The following MCCC2 variants were observed in gnomAD, a reference collection of about 807,000 sequenced individuals.
MCCC2 encodes methylcrotonyl-CoA carboxylase subunit 2.
MCCC2 carries 52 observed loss-of-function variants against 77.2 expected under a neutral mutation model. The observed-to-expected ratio is 0.67, with a 90% confidence interval of 0.54 to 0.85. The LOEUF (loss-of-function observed/expected upper bound fraction) is 0.85, where lower values mean the gene tolerates loss of function less well. MCCC2 is among the 40% of genes least tolerant of loss of function. MCCC2 has a pLI of 0.00. For missense variants in MCCC2, 682 were observed against 703.2 expected, an observed-to-expected ratio of 0.97 and a Z score of 0.34; for synonymous variants, 253 against 248.4, an observed-to-expected ratio of 1.02 and a Z score of -0.18.
At chr5:71,639,839 T>C (rs993518916) in intron 10 of MCCC2, among the ~76,000 whole-genome samples, 2 of 152,186 alleles carry the variant, frequency 1.3e-5, no homozygotes, top group African/African-American at 2.4e-5. Context: ...CATTGTATTA[T>C]TGGATTTTTT....
At chr5:71,597,424 GGC>G (rs1745231728) in intron 3 of MCCC2, among the ~76,000 whole-genome samples, 1 of 152,186 alleles carries the variant, frequency 6.6e-6, no homozygotes, top group Non-Finnish European at 1.5e-5. Flanking sequence ...GAGTGCTTCT[GGC>G]TGCTGTGTTG....
chr5:71,588,141 C>T (rs1032479063), intron 1 of MCCC2, among the ~76,000 whole-genome samples: 2 of 151,940 alleles, frequency 1.3e-5, no homozygotes, highest in South Asian at 2.1e-4. Flanking sequence ...TGGTGGCGCG[C>T]GCCTGTAATC....
intron 12 of MCCC2, among the ~76,000 whole-genome samples, chr5:71,645,427 T>C (rs969553389): frequency 6.6e-6 from 1 of 152,244 alleles, no homozygotes. Flanking sequence ...GTTGTATTTT[T>C]GTATCATTAA....
chr5:71,608,669 T>C (rs1674088362), intron 6 of MCCC2, among the ~76,000 whole-genome samples: 1 of 152,228 alleles, frequency 6.6e-6, no homozygotes, highest in African/African-American at 2.4e-5. Flanking sequence ...TTCTTCCTAG[T>C]CTTGAAGGTC....
intron 8 of MCCC2, among the ~76,000 whole-genome samples, chr5:71,633,223 C>T (rs954166477): frequency 7.3e-5 from 11 of 149,858 alleles, no homozygotes; most frequent in Non-Finnish European, 1.5e-4. Context: ...CTTGCCCTTC[C>T]GAAGTGCTGG....
At position 71,635,207 on chromosome 5, in the gene MCCC2, A is replaced by G. The variant is rs1746875605; in HGVS notation, c.960A>G (p.Ile320Met). Residue 320 changes from isoleucine to methionine, a missense_variant, in exon 10 of 17, where the codon ATA (isoleucine) becomes ATG (methionine). Transcript: ENST00000340941. ...PLFPADELYG[I>M]VGANLKRSFD... is the part of the protein sequence containing the mutation. ...TTCCTGCTGATGAATTGTATGGAAT[A>G]GTTGGTGCTAACCTTAAGAGGAGCT... The G allele has an allele frequency of 6.2e-7, 1 of 1,614,168 alleles. No individual in the cohort carries two copies. Among genetic ancestry groups the G allele is most frequent in the Non-Finnish European group, 8.5e-7 (1 of 1,180,008 alleles).
intron 10 of MCCC2, among the ~76,000 whole-genome samples, chr5:71,638,246 C>T (rs1746997734): frequency 6.6e-6 from 1 of 152,180 alleles, no homozygotes; most frequent in Non-Finnish European, 1.5e-5. Context: ...CTTCAGACTC[C>T]ACTTCTAACT....
chr5:71,632,621 G>A (rs10060578), intron 8 of MCCC2, among the ~76,000 whole-genome samples: 115,596 of 152,102 alleles, frequency 0.76, 45,206 homozygotes, highest in East Asian at 0.87. Context: ...AGGTGGGTCT[G>A]CCCTGGGGTG....
At chr5:71,633,465 ATCTACTACATATAACAGTAATAAC>A (rs1291532091) in intron 8 of MCCC2, among the ~76,000 whole-genome samples, 2 of 152,064 alleles carry the variant, frequency 1.3e-5, no homozygotes, top group Non-Finnish European at 2.9e-5. Context: ...ATAACACAGC[ATCTACTACATATAACAGTAATAAC>A]TCTATTACTG....
At chr5:71,597,626 G>A (rs1254410925) in intron 3 of MCCC2, among the ~76,000 whole-genome samples, 1 of 152,134 alleles carries the variant, frequency 6.6e-6, no homozygotes, top group African/African-American at 2.4e-5. Context: ...GATATGGAGT[G>A]TAAGGGGGAG....
chr5:71,617,393 A>G (rs1369698799), intron 6 of MCCC2, among the ~76,000 whole-genome samples: 1 of 152,200 alleles, frequency 6.6e-6, no homozygotes, highest in Admixed American at 6.5e-5. Context: ...TTTAATCTAG[A>G]TATATCTGGA....
chr5:71,625,066 C>G (rs1015120326), intron 6 of MCCC2, among the ~76,000 whole-genome samples: 1 of 152,120 alleles, frequency 6.6e-6, no homozygotes, highest in Non-Finnish European at 1.5e-5. Context: ...TCATCTTGGT[C>G]TTTGAATTCT....
chr5:71,636,943 C>T (rs1219612750), intron 10 of MCCC2, among the ~76,000 whole-genome samples: 1 of 151,672 alleles, frequency 6.6e-6, no homozygotes, highest in Non-Finnish European at 1.5e-5. Context: ...GGGGTTTCAC[C>T]ATGTTGGTCT....
In MCCC2 at chr5:71,590,842, A is replaced by G. The variant is rs1446735577; in HGVS notation, c.130-2084A>G. Among the ~76,000 whole-genome samples the G allele has an allele frequency of 2.0e-5, 3 of 151,258 alleles. No individual in the cohort carries two copies. The East Asian group carries it at 5.8e-4, about 29-fold the overall frequency. ...AAAAAAAAAAAAAAGGATACTTTGT[A>G]TGATTTCAGTCTTTTAAAATTTATT... On this transcript the variant is annotated intron_variant, in intron 1 of 16. Transcript: ENST00000340941.
intron 11 of MCCC2, among the ~76,000 whole-genome samples, chr5:71,642,743 A>G (rs1332503881): frequency 6.6e-6 from 1 of 152,230 alleles, no homozygotes; most frequent in Non-Finnish European, 1.5e-5. Context: ...TGGCAGTGCC[A>G]TTTAGGATGT....
At chr5:71,633,131 A>ATATATATTTTTTTTTTTTTTTTTT (rs1554137344) in intron 8 of MCCC2, among the ~76,000 whole-genome samples, 2 of 78,096 alleles carry the variant, frequency 2.6e-5, no homozygotes, top group African/African-American at 1.0e-4. Flanking sequence ...ATATATATAT[A>ATATATATTTTTTTTTTTTTTTTTT]TTTTTATTTT....
intron 6 of MCCC2, among the ~76,000 whole-genome samples, chr5:71,622,717 C>T (rs572801978): frequency 1.3e-5 from 2 of 152,190 alleles, no homozygotes; most frequent in Non-Finnish European, 2.9e-5. Flanking sequence ...TAATGGTTTC[C>T]TGGTCTTGAA....
chr5:71,595,253 C>T (rs2112289095), intron 2 of MCCC2, among the ~76,000 whole-genome samples: 1 of 151,528 alleles, frequency 6.6e-6, no homozygotes, highest in East Asian at 2.0e-4. Flanking sequence ...CCAGCCTGGG[C>T]AACAGAGTGA....
At position 71,658,556 on chromosome 5, in the gene MCCC2, C is replaced by T. The variant is rs918330507; in HGVS notation, c.*1696C>T. 3 of 152,344 alleles carry T rather than the reference C, an allele frequency of 2.0e-5. No homozygotes were observed. Among genetic ancestry groups the T allele is most frequent in the Middle Eastern group, 3.4e-3 (1 of 294 alleles). The allele number at this position is 152,344 out of a possible 1,614,324, so 9.4% of individuals were successfully genotyped here. A position where few individuals can be genotyped will look rare whatever the true frequency, so the allele number is the denominator to read the frequency against. On this transcript the variant is annotated 3_prime_UTR_variant, in exon 17 of 17. Coordinates refer to ENST00000340941, the MANE Select transcript of MCCC2 (RefSeq NM_022132.5). ...TTTACCCTGTACCTCCAATGTCTGG[C>T]ACTTGTAGGTGCTCAAATATTCGTT... is the stretch of plus-strand genomic sequence containing the variant.
Sources: allele counts gnomAD v4.1 joint callset (sites outside exome capture counted in the v4.1 genomes callset), GRCh38; gene constraint gnomAD v4.1.1; transcripts MANE v1.5; gene names NCBI Gene and HGNC (gene_info 2026-07-23, HGNC 2026-07-21).